C1orf87: variants seen among roughly 807,000 people sequenced by gnomAD.
C1orf87 encodes uncharacterized protein C1orf87.
Under a neutral mutation model 60.5 loss-of-function variants are expected in C1orf87, and 58 were observed. The ratio of observed to expected loss-of-function variants is 0.96; its 90% CI spans 0.78 to 1.19. C1orf87 has a LOEUF of 1.19. Among genes scored for constraint, C1orf87 ranks in the 50% most tolerant of loss-of-function variants. The probability of loss-of-function intolerance (pLI) is 0.00; values close to 1 mark genes in which losing one functional copy is unlikely to be tolerated. For missense variants in C1orf87, 673 were observed against 638.6 expected, an observed-to-expected ratio of 1.05 and a Z score of -0.58; for synonymous variants, 236 against 227.4, an observed-to-expected ratio of 1.04 and a Z score of -0.34.
At chr1:60,050,575 C>A (rs1645407060) in intron 3 of C1orf87, among the ~76,000 whole-genome samples, 1 of 150,684 alleles carries the variant, frequency 6.6e-6, no homozygotes. Context: ...GATGTACAAT[C>A]TTATACTCTG....
intron 8 of C1orf87, among the ~76,000 whole-genome samples, chr1:60,019,948 C>CA (rs1466285779): frequency 6.6e-6 from 1 of 151,892 alleles, no homozygotes; most frequent in Non-Finnish European, 1.5e-5. Flanking sequence ...GGAAGCAGAG[C>CA]AAAAAAGTTT....
intron 7 of C1orf87, among the ~76,000 whole-genome samples, chr1:60,030,901 T>C (rs965170143): frequency 3.3e-5 from 5 of 152,252 alleles, no homozygotes; most frequent in African/African-American, 1.2e-4. Context: ...GATGGTCAGA[T>C]TCCATTGATT....
intron 6 of C1orf87, among the ~76,000 whole-genome samples, chr1:60,036,957 C>G (rs960842799): frequency 1.3e-5 from 2 of 152,192 alleles, no homozygotes; most frequent in African/African-American, 4.8e-5. Flanking sequence ...CACCCGTACA[C>G]AATCATTTCT....
chr1:60,028,233 A>G (rs898477628), intron 7 of C1orf87, among the ~76,000 whole-genome samples: 1 of 152,220 alleles, frequency 6.6e-6, no homozygotes, highest in African/African-American at 2.4e-5. Context: ...ATTTTTAAAT[A>G]TCAATATTAA....
At chr1:60,025,623 A>G in intron 7 of C1orf87, 125 bp from the exon 8 acceptor site, 1 of 720,502 alleles carries the variant, frequency 1.4e-6, no homozygotes, top group Non-Finnish European at 2.2e-6. Context: ...CAAAGAATTA[A>G]TACCCAGGAG....
chr1:60,038,252 T>C, intron 5 of C1orf87, 145 bp from the exon 6 acceptor site: 1 of 500,574 alleles, frequency 2.0e-6, no homozygotes, highest in Non-Finnish European at 3.6e-6. Context: ...TTATTGGTGC[T>C]TTTTAGCAAG....
chr1:60,019,526 A>G lies in C1orf87; in HGVS notation c.1127+5875T>C, dbSNP rs1431477553. Reference sequence around the variant, plus strand: ...CATGAAAGTGTGGAAGTGACTTTGGAACTGGGTAATGGGTAAAGGTTGAAA... The same window carrying G: ...CATGAAAGTGTGGAAGTGACTTTGGGACTGGGTAATGGGTAAAGGTTGAAA... On this transcript the variant is annotated intron_variant, in intron 8 of 11. Coordinates refer to ENST00000371201, the MANE Select transcript of C1orf87 (RefSeq NM_152377.3). Among the ~76,000 whole-genome samples, 3 of 152,308 alleles carry G rather than the reference A, an allele frequency of 2.0e-5. No homozygotes were observed. In the East Asian group the frequency reaches 5.8e-4, roughly 29 times the overall value.
chr1:60,038,041 C>A lies in C1orf87; in HGVS notation c.814G>T (p.Ala272Ser), dbSNP rs1375957108. The A allele has an allele frequency of 6.2e-7, 1 of 1,610,698 alleles. No homozygotes were observed. Among genetic ancestry groups the A allele is most frequent in the Non-Finnish European group, 8.5e-7 (1 of 1,177,480 alleles). ...AASDYPQQNKAAADLRKTESH... is the reference protein window; with the variant it reads ...AASDYPQQNKSAADLRKTESH... ...TCAGTTTTTCTCAGGTCTGCAGCTG[C>A]TTTATTTTGCTGTGGATAATCTGAT... The change falls in exon 6 of 12, where the codon GCA becomes TCA. Residue 272 changes from alanine (A) to serine (S), a missense_variant. Coordinates refer to ENST00000371201, the MANE Select transcript of C1orf87 (RefSeq NM_152377.3).
intron 10 of C1orf87, among the ~76,000 whole-genome samples, chr1:59,998,076 A>G (rs1644975782): frequency 6.6e-6 from 1 of 152,302 alleles, no homozygotes; most frequent in Admixed American, 6.5e-5. Flanking sequence ...GACTTGCATG[A>G]AGCAAAGAAC....
chr1:60,003,360 T>C (rs1645020861), intron 9 of C1orf87, among the ~76,000 whole-genome samples: 1 of 147,742 alleles, frequency 6.8e-6, no homozygotes, highest in Non-Finnish European at 1.5e-5. Flanking sequence ...TCAGGAGATA[T>C]ACCTAATGAT....
In C1orf87 at chr1:60,001,156, C is replaced by T; in HGVS notation, c.1193G>A (p.Gly398Glu). The T allele has an allele frequency of 6.4e-7, 1 of 1,564,336 alleles. No individual in the cohort carries two copies. Among genetic ancestry groups the T allele is most frequent in the Non-Finnish European group, 8.6e-7 (1 of 1,162,348 alleles). ...SSDLLSDLPT[G>E]KNEKKAPAPP... ...GGCAGGGGCTTTCTTTTCATTCTTC[C>T]CTGAACAAGAATAAAAAAAAAAAAA... is the stretch of plus-strand genomic sequence containing the variant. The change falls in exon 10 of 12, where the codon GGG becomes GAG. Residue 398 changes from glycine to glutamate, a missense_variant and splice_region_variant. Coordinates refer to ENST00000371201, the MANE Select transcript of C1orf87 (RefSeq NM_152377.3).
At chr1:60,005,414 C>G (rs141401361) in intron 9 of C1orf87, among the ~76,000 whole-genome samples, 77 of 150,806 alleles carry the variant, frequency 5.1e-4, no homozygotes, top group Non-Finnish European at 1.5e-4. Flanking sequence ...CAAAGAATGT[C>G]AGGTAGTGAT....
At chr1:60,023,917 T>C (rs1443901693) in intron 8 of C1orf87, among the ~76,000 whole-genome samples, 1 of 152,210 alleles carries the variant, frequency 6.6e-6, no homozygotes, top group East Asian at 1.9e-4. Flanking sequence ...ATTATTACAC[T>C]GGGGTTACAT....
In C1orf87 at chr1:60,019,662, C is replaced by T. The variant is rs189296645; in HGVS notation, c.1127+5739G>A. 5.4e-4 allele frequency among the ~76,000 whole-genome samples: 82 copies of T among 152,242 alleles called. 1 individual carries two copies. Among genetic ancestry groups the T allele is most frequent in the South Asian group, 2.1e-4 (1 of 4,828 alleles). ...ATGCTGACAGTGATATGGACAATGA[C>T]GTCCAGGCTGAGGTAGTTTCAAATG... On this transcript the variant is annotated intron_variant, in intron 8 of 11. Coordinates refer to ENST00000371201, the MANE Select transcript of C1orf87 (RefSeq NM_152377.3).
intron 7 of C1orf87, among the ~76,000 whole-genome samples, chr1:60,031,182 T>C (rs183700453): frequency 2.7e-4 from 41 of 152,346 alleles, no homozygotes; most frequent in African/African-American, 9.9e-4. Flanking sequence ...TGAAGTCCCG[T>C]GTTCAGGAGT....
chr1:60,020,069 G>C (rs928680559), intron 8 of C1orf87, among the ~76,000 whole-genome samples: 1 of 152,222 alleles, frequency 6.6e-6, no homozygotes, highest in African/African-American at 2.4e-5. Context: ...TATATTAATA[G>C]CTAAGACAAT....
At chr1:60,064,590 AAT>A (rs557768839) in intron 2 of C1orf87, among the ~76,000 whole-genome samples, 385 of 114,038 alleles carry the variant, frequency 3.4e-3, no homozygotes, top group African/African-American at 0.012. Context: ...TATCATATAT[AAT>A]ATATATATGT....
rs146681392 is a variant in C1orf87, at chr1:60,040,129, C to A, written c.535G>T (p.Ala179Ser). ...GTTNEDAFLL[A>S]LVRRELKSRP... ...GACTTGAGTTCTCTTCTGACCAGGGCAAGAAGAAAAGCGTCTTCATTTGTT... is the reference window on the plus strand; with the variant it reads ...GACTTGAGTTCTCTTCTGACCAGGGAAAGAAGAAAAGCGTCTTCATTTGTT... Residue 179 changes from alanine to serine, a missense_variant, in exon 5 of 12, where the codon GCC (alanine) becomes TCC (serine). Physicochemically the swap from Ala to Ser is moderately conservative, Grantham distance 99 (BLOSUM62 1). Coordinates refer to ENST00000371201, the MANE Select transcript of C1orf87 (RefSeq NM_152377.3). 24 of 1,613,910 alleles carry A rather than the reference C, an allele frequency of 1.5e-5. No individual in the cohort carries two copies. Among genetic ancestry groups the A allele is most frequent in the African/African-American group, 1.2e-4 (9 of 74,876 alleles).
intron 3 of C1orf87, among the ~76,000 whole-genome samples, chr1:60,048,019 T>C (rs1181014419): frequency 6.6e-6 from 1 of 152,168 alleles, no homozygotes. Flanking sequence ...TGATCCCTGC[T>C]TCCTGGTTTC....
Sources: allele counts gnomAD v4.1 joint callset (sites outside exome capture counted in the v4.1 genomes callset), GRCh38; gene constraint gnomAD v4.1.1; transcripts MANE v1.5; gene names NCBI Gene and HGNC (gene_info 2026-07-23, HGNC 2026-07-21).